The following PSD3 variants were observed in gnomAD, a reference collection of about 807,000 sequenced individuals.
The protein encoded by PSD3 is PH and SEC7 domain-containing protein 3.
In PSD3, 49 loss-of-function variants were observed where a neutral mutation model predicts 105.5. That is an observed-to-expected ratio of 0.46 (90% CI 0.37 to 0.59). The LOEUF is 0.59. Among genes scored for constraint, PSD3 ranks in the 20% least tolerant of loss-of-function variants. The probability of loss-of-function intolerance (pLI) is 0.00; values close to 1 mark genes in which losing one functional copy is unlikely to be tolerated. For missense variants in PSD3, 1,561 were observed against 1,263.8 expected (o/e 1.24, Z -3.57); for synonymous variants, 557 against 457.8 (o/e 1.22, Z -2.77).
At chr8:18,692,474 A>C (rs1801023814) in intron 9 of PSD3, among the ~76,000 whole-genome samples, 1 of 152,152 alleles carries the variant, frequency 6.6e-6, no homozygotes, top group South Asian at 2.1e-4. Flanking sequence ...AGGAGAAAAG[A>C]GGGAACAGCA....
chr8:18,810,662 TA>T, intron 4 of PSD3, among the ~76,000 whole-genome samples: 1 of 152,188 alleles, frequency 6.6e-6, no homozygotes, highest in Non-Finnish European at 1.5e-5. Flanking sequence ...CCAAGGGTTG[TA>T]CATAGAAAAT....
At chr8:19,074,881 A>G (rs983465770) in intron 1 of PSD3, among the ~76,000 whole-genome samples, 3 of 151,646 alleles carry the variant, frequency 2.0e-5, no homozygotes, top group African/African-American at 4.8e-5. Context: ...CGGCCTCCCA[A>G]CGTGCTGGGA....
chr8:18,632,117 C>T (rs950859789), intron 11 of PSD3, among the ~76,000 whole-genome samples: 1 of 152,054 alleles, frequency 6.6e-6, no homozygotes, highest in Non-Finnish European at 1.5e-5. Flanking sequence ...TCCTACATCT[C>T]ACCTGTCCAC....
At chr8:18,562,130 T>C (rs1801429154) in intron 14 of PSD3, among the ~76,000 whole-genome samples, 1 of 152,082 alleles carries the variant, frequency 6.6e-6, no homozygotes, top group African/African-American at 2.4e-5. Flanking sequence ...TCCGCGAACC[T>C]CACCGAGCGC....
At chr8:18,639,949 C>A (rs1807523080) in intron 10 of PSD3, among the ~76,000 whole-genome samples, 2 of 152,168 alleles carry the variant, frequency 1.3e-5, no homozygotes, top group South Asian at 4.1e-4. Flanking sequence ...CTCTCTAGAT[C>A]TCAGCCTCCT....
At chr8:18,648,680 C>T (rs1384267764) in intron 10 of PSD3, among the ~76,000 whole-genome samples, 1 of 152,166 alleles carries the variant, frequency 6.6e-6, no homozygotes, top group Admixed American at 6.5e-5. Flanking sequence ...GGGGAAAATG[C>T]CTCAAAGGCA....
intron 11 of PSD3, among the ~76,000 whole-genome samples, chr8:18,613,822 C>G (rs1010278698): frequency 1.3e-5 from 2 of 152,144 alleles, no homozygotes; most frequent in Non-Finnish European, 2.9e-5. Context: ...TGCACCTAAC[C>G]ACCACAACCA....
At chr8:18,779,924 G>C (rs1472410030) in intron 8 of PSD3, among the ~76,000 whole-genome samples, 3 of 152,186 alleles carry the variant, frequency 2.0e-5, no homozygotes, top group Non-Finnish European at 2.9e-5. Flanking sequence ...TTCTGTAAAT[G>C]TCTATCAAGC....
intron 1 of PSD3, among the ~76,000 whole-genome samples, chr8:19,047,694 G>A (rs984396746): frequency 2.0e-5 from 3 of 152,108 alleles, no homozygotes; most frequent in Non-Finnish European, 2.9e-5. Flanking sequence ...CACAACACGG[G>A]CACTCAGTAG....
At chr8:19,005,766 G>A (rs1250490132) in intron 1 of PSD3, among the ~76,000 whole-genome samples, 1 of 151,988 alleles carries the variant, frequency 6.6e-6, no homozygotes, top group Non-Finnish European at 1.5e-5. Context: ...TGAGATTACA[G>A]GTGTGAGCCA....
At chr8:18,752,474 ATATAT>A (rs1805570277) in intron 9 of PSD3, among the ~76,000 whole-genome samples, 1 of 66,482 alleles carries the variant, frequency 1.5e-5, no homozygotes, top group Non-Finnish European at 2.8e-5. Context: ...TTTCAAATAT[ATATAT>A]TATTATATAT....
chr8:18,586,635 C>T (rs1297937713), intron 12 of PSD3, among the ~76,000 whole-genome samples: 2 of 152,004 alleles, frequency 1.3e-5, no homozygotes, highest in Admixed American at 6.6e-5. Context: ...TATGGACTTC[C>T]GGAATGGCTG....
intron 2 of PSD3, among the ~76,000 whole-genome samples, chr8:18,917,408 G>T (rs946861478): frequency 6.6e-6 from 1 of 152,122 alleles, no homozygotes; most frequent in African/African-American, 2.4e-5. Context: ...CGACACAGGG[G>T]CAATGAGCTC....
chr8:18,696,581 A>C (rs1421542158), intron 9 of PSD3, among the ~76,000 whole-genome samples: 1 of 152,340 alleles, frequency 6.6e-6, no homozygotes, highest in East Asian at 1.9e-4. Flanking sequence ...TCTTTAATTC[A>C]GATATTACTA....
chr8:18,679,437 A>G (rs1464440316), intron 9 of PSD3, among the ~76,000 whole-genome samples: 2 of 152,190 alleles, frequency 1.3e-5, no homozygotes, highest in Non-Finnish European at 2.9e-5. Context: ...AAGGACTTCC[A>G]TTTTCCTTTA....
intron 8 of PSD3, among the ~76,000 whole-genome samples, chr8:18,791,861 A>C (rs1809753363): frequency 6.6e-6 from 1 of 152,252 alleles, no homozygotes. Context: ...ACCTACAAGG[A>C]ATTTAAATGT....
intron 8 of PSD3, among the ~76,000 whole-genome samples, chr8:18,772,014 C>T (rs971761539): frequency 2.0e-5 from 3 of 152,174 alleles, no homozygotes; most frequent in African/African-American, 4.8e-5. Flanking sequence ...TTTCACTTAG[C>T]ATAATGTCCT....
intron 14 of PSD3, among the ~76,000 whole-genome samples, chr8:18,570,850 T>C (rs867487907): frequency 2.6e-4 from 32 of 123,894 alleles, no homozygotes; most frequent in African/African-American, 4.3e-4. Flanking sequence ...AAACTATTAT[T>C]ATTATTATTA....
At chr8:18,992,711 C>A (rs7821733) in intron 1 of PSD3, among the ~76,000 whole-genome samples, 1 of 151,852 alleles carries the variant, frequency 6.6e-6, no homozygotes, top group African/African-American at 2.4e-5. Context: ...AGAAATGATT[C>A]AGTCTTCTTC....
Sources: allele counts gnomAD v4.1 joint callset (sites outside exome capture counted in the v4.1 genomes callset), GRCh38; gene constraint gnomAD v4.1.1; transcripts MANE v1.5; gene names NCBI Gene and HGNC (gene_info 2026-07-23, HGNC 2026-07-21).